The following NEK7 variants were observed in gnomAD, a reference collection of about 807,000 sequenced individuals.
The protein encoded by NEK7 is serine/threonine-protein kinase Nek7.
NEK7 carries 18 observed loss-of-function variants against 44.6 expected under a neutral mutation model. The observed-to-expected ratio is 0.40, with a 90% CI of 0.28 to 0.60. The LOEUF is 0.60. Among genes scored for constraint, NEK7 ranks in the 20% least tolerant of loss-of-function variants. NEK7 has a pLI of 0.38. For synonymous variants in NEK7, 130 were observed against 121.1 expected (o/e 1.07, Z -0.48); for missense variants, 256 against 366.5 (o/e 0.70, Z 2.46).
At chr1:198,315,748 TAAG>T (rs1440912594) in intron 9 of NEK7, among the ~76,000 whole-genome samples, 2 of 152,152 alleles carry the variant, frequency 1.3e-5, no homozygotes, top group Admixed American at 6.5e-5. Flanking sequence ...ATTTTTGACT[TAAG>T]AAGTTGGAGG....
intron 1 of NEK7, among the ~76,000 whole-genome samples, chr1:198,182,525 C>T (rs952339271): frequency 2.0e-5 from 3 of 152,106 alleles, no homozygotes; most frequent in Non-Finnish European, 4.4e-5. Context: ...GGTTTGTATT[C>T]TTGCTGCCAG....
Position 198,277,982 on chromosome 1 carries a change from C to T in NEK7, c.394C>T (p.Leu132=). Residue 132 remains leucine (L), a synonymous_variant, in exon 6 of 10, where the codon CTA becomes TTA. Coordinates refer to ENST00000367385, the MANE Select transcript of NEK7 (RefSeq NM_133494.3). ...AAAGCATTTTAAGAAGCAAAAGAGGCTAATTCCTGAAAGAACTGTTTGGAA... is the reference window on the plus strand; with the variant it reads ...AAAGCATTTTAAGAAGCAAAAGAGGTTAATTCCTGAAAGAACTGTTTGGAA... ...MIKHFKKQKR[L]IPERTVWKYF... is the part of the protein sequence containing the mutation. The T allele has an allele frequency of 6.2e-7, 1 of 1,602,816 alleles. No individual in the cohort carries two copies. Among genetic ancestry groups the T allele is most frequent in the Non-Finnish European group, 8.5e-7 (1 of 1,171,658 alleles).
Position 198,321,845 on chromosome 1 carries a change from A to G in NEK7, c.*2323A>G, listed in dbSNP as rs1355539650. 6.6e-6 allele frequency: 1 copy of G among 152,150 alleles called. No homozygotes were observed. The highest frequency in any genetic ancestry group is 2.4e-5 in the African/African-American group (1 of 41,456). 9.4% of individuals were successfully genotyped at this position (152,150 alleles called of 1,614,324 possible). The stretch of plus-strand genomic sequence containing the variant: ...ATATGTGTTCATAAGTAAATTTTAT[A>G]TTGATTAAGTTAAACTTTTGAATTG... On this transcript the variant is annotated 3_prime_UTR_variant, in exon 10 of 10. Transcript: ENST00000367385.
chr1:198,315,560 A>G (rs1048970947), intron 9 of NEK7, among the ~76,000 whole-genome samples: 1 of 152,186 alleles, frequency 6.6e-6, no homozygotes, highest in Non-Finnish European at 1.5e-5. Flanking sequence ...GTGCTAGAGA[A>G]ATAGGAAGAC....
chr1:198,207,166 TTA>T (rs1665621584), intron 1 of NEK7: 1 of 152,128 alleles, frequency 6.6e-6, no homozygotes, highest in Admixed American at 6.5e-5. Context: ...GATAATCTTA[TTA>T]GAGTAGTAAG....
intron 2 of NEK7, among the ~76,000 whole-genome samples, chr1:198,251,729 TATC>T (rs1653003709): frequency 6.6e-6 from 1 of 151,956 alleles, no homozygotes; most frequent in South Asian, 2.1e-4. Context: ...ATATCCCCTT[TATC>T]ATTTTTTATT....
chr1:198,287,371 G>C (rs1654406570), intron 7 of NEK7, among the ~76,000 whole-genome samples: 1 of 151,086 alleles, frequency 6.6e-6, no homozygotes, highest in Admixed American at 6.6e-5. Flanking sequence ...TCCAGCCTGG[G>C]CAACAGAGCA....
At chr1:198,310,487 C>A (rs1655146247) in intron 9 of NEK7, among the ~76,000 whole-genome samples, 1 of 140,128 alleles carries the variant, frequency 7.1e-6, no homozygotes, top group African/African-American at 2.7e-5. Context: ...GTTGCCATTG[C>A]TTTTGGTGTT....
In NEK7 at chr1:198,219,690, TAAG is replaced by T. The variant is rs151036696; in HGVS notation, c.-28-12862_-28-12860del. Among the ~76,000 whole-genome samples the T allele has an allele frequency of 1.9e-3, 294 of 152,096 alleles. 1 individual carries two copies. Among genetic ancestry groups the T allele is most frequent in the African/African-American group, 6.5e-3 (271 of 41,544 alleles). The stretch of plus-strand genomic sequence containing the variant: ...TTTAAAACATCATTATTGTATAAAA[TAAG>T]TATATAGAATTTTTATTTGTCGATT... On this transcript the variant is annotated intron_variant, in intron 1 of 9. Transcript: ENST00000367385.
intron 1 of NEK7, among the ~76,000 whole-genome samples, chr1:198,171,689 AAAATC>A (rs1371534707): frequency 1.3e-5 from 2 of 152,006 alleles, no homozygotes; most frequent in Non-Finnish European, 2.9e-5. Context: ...AAAAAAAAAA[AAAATC>A]AAAAACCTTT....
intron 1 of NEK7, among the ~76,000 whole-genome samples, chr1:198,191,289 A>G (rs1006193730): frequency 2.0e-5 from 3 of 152,166 alleles, no homozygotes; most frequent in Admixed American, 6.5e-5. Context: ...CCTGTAGTAT[A>G]TGTGAGTTCC....
chr1:198,245,021 C>T (rs1193008889), intron 2 of NEK7, among the ~76,000 whole-genome samples: 1 of 152,142 alleles, frequency 6.6e-6, no homozygotes, highest in East Asian at 1.9e-4. Context: ...AGTCAATTAA[C>T]ACATGCTTTG....
At chr1:198,241,327 G>A (rs1249878786) in intron 2 of NEK7, among the ~76,000 whole-genome samples, 2 of 152,044 alleles carry the variant, frequency 1.3e-5, no homozygotes, top group Non-Finnish European at 2.9e-5. Context: ...TGTTTTTCTT[G>A]TCACATTCAT....
intron 9 of NEK7, among the ~76,000 whole-genome samples, chr1:198,305,517 T>G (rs1654999519): frequency 6.6e-6 from 1 of 152,172 alleles, no homozygotes; most frequent in Admixed American, 6.5e-5. Flanking sequence ...GAGGTATTTC[T>G]TATGTTCATC....
intron 9 of NEK7, among the ~76,000 whole-genome samples, chr1:198,318,819 A>C (rs997132461): frequency 6.6e-6 from 1 of 152,132 alleles, no homozygotes; most frequent in South Asian, 2.1e-4. Context: ...CTCATCTATA[A>C]AGTGAGGACA....
rs543354590 is a variant in NEK7 at position 198,321,450 on chromosome 1, G to T, written c.*1928G>T. ...CATTTTAATGTAATATAATTGAGATGAAATGTTCTCTGGTTGGAACAGATA... is the reference window on the plus strand; with the variant it reads ...CATTTTAATGTAATATAATTGAGATTAAATGTTCTCTGGTTGGAACAGATA... On this transcript the variant is annotated 3_prime_UTR_variant, in exon 10 of 10. Transcript: ENST00000367385. 1 of 152,080 alleles carries T rather than the reference G, an allele frequency of 6.6e-6. No individual in the cohort carries two copies. Among genetic ancestry groups the T allele is most frequent in the East Asian group, 1.9e-4 (1 of 5,196 alleles). 9.4% of individuals were successfully genotyped at this position (152,080 alleles called of 1,614,324 possible).
At position 198,193,026 on chromosome 1, in the gene NEK7, G is replaced by GT. The variant is rs142940850; in HGVS notation, c.-29+35763dup. ...CAAAAAATCAATGAATCCAGGAGCG[G>GT]TTTTTTTTTTTTTAAACTAATAAAA... On this transcript the variant is annotated intron_variant, in intron 1 of 9. Transcript: ENST00000367385. Among the ~76,000 whole-genome samples the GT allele has an allele frequency of 6.1e-3, 872 of 143,818 alleles. 6 individuals are homozygous for GT. The highest frequency in any genetic ancestry group is 0.017 in the African/African-American group (657 of 39,608). 94.4% of individuals were successfully genotyped at this position (143,818 alleles called of 152,430 possible). A position where few individuals can be genotyped will look rare whatever the true frequency, so the allele number is the denominator to read the frequency against.
intron 2 of NEK7, chr1:198,245,435 C>T (rs972757273): frequency 1.8e-5 from 3 of 167,680 alleles, no homozygotes; most frequent in Admixed American, 6.5e-5. Flanking sequence ...GCCAGTAAAG[C>T]TGCCTGAGCG....
In NEK7 at chr1:198,283,326, C is replaced by G. The variant is rs371384498; in HGVS notation, c.589+4265C>G. 1.2e-4 allele frequency among the ~76,000 whole-genome samples: 18 copies of G among 152,214 alleles called. No homozygotes were observed. In the South Asian group the frequency reaches 3.7e-3, roughly 32 times the overall value. On this transcript the variant is annotated intron_variant, in intron 7 of 9. Coordinates refer to ENST00000367385, the MANE Select transcript of NEK7 (RefSeq NM_133494.3). The stretch of plus-strand genomic sequence containing the variant: ...CTCCTATCTTCAGGGTCTTCTGTGT[C>G]CTGCGAGTCTGCATCTTTTCCTCTC...
Sources: allele counts gnomAD v4.1 joint callset (sites outside exome capture counted in the v4.1 genomes callset), GRCh38; gene constraint gnomAD v4.1.1; transcripts MANE v1.5; gene names NCBI Gene and HGNC (gene_info 2026-07-23, HGNC 2026-07-21).